BMERB1: variants seen among roughly 807,000 people sequenced by gnomAD.
BMERB1 encodes bMERB domain containing 1.
Under a neutral mutation model 23.6 loss-of-function variants are expected in BMERB1, and 12 were observed. That is an observed-to-expected ratio of 0.51 (90% CI 0.33 to 0.82). The LOEUF (loss-of-function observed/expected upper bound fraction) is 0.82, where lower values mean the gene tolerates loss of function less well. Among genes scored for constraint, BMERB1 ranks in the 40% least tolerant of loss-of-function variants. The pLI is 0.03. For synonymous variants in BMERB1, 122 were observed against 96.6 expected, an observed-to-expected ratio of 1.26 and a Z score of -1.54; for missense variants, 247 against 255.4, an observed-to-expected ratio of 0.97 and a Z score of 0.22.
chr16:15,466,720 C>CTGTGTGTGTG (rs35112172), intron 1 of BMERB1, among the ~76,000 whole-genome samples: 1 of 150,656 alleles, frequency 6.6e-6, no homozygotes, highest in African/African-American at 2.4e-5. Context: ...ATGTGTGTGT[C>CTGTGTGTGTG]TGTGTGTGTG....
At chr16:15,463,269 A>ATATATATATATATATATATTTTTTTTTTT (rs1180090455) in intron 1 of BMERB1, among the ~76,000 whole-genome samples, 17 of 148,528 alleles carry the variant, frequency 1.1e-4, no homozygotes, top group African/African-American at 3.9e-4. Flanking sequence ...ATATATATAT[A>ATATATATATATATATATATTTTTTTTTTT]TTTTGTAGAG....
intron 2 of BMERB1, among the ~76,000 whole-genome samples, chr16:15,517,750 T>TG (rs1567480209): frequency 0.017 from 2,625 of 151,330 alleles, 73 homozygotes; most frequent in African/African-American, 0.061. Context: ...GTGTGGATAT[T>TG]TGTGTGGATG....
intron 2 of BMERB1, among the ~76,000 whole-genome samples, chr16:15,553,081 C>A (rs761471408): frequency 1.3e-5 from 2 of 152,166 alleles, no homozygotes; most frequent in Admixed American, 1.3e-4. Context: ...GATCTCAGCT[C>A]ACTGAAACCT....
At chr16:15,574,267 G>A (rs368534889) in intron 3 of BMERB1, among the ~76,000 whole-genome samples, 17 of 152,248 alleles carry the variant, frequency 1.1e-4, no homozygotes, top group Non-Finnish European at 1.5e-4. Flanking sequence ...AACTGCCTGC[G>A]TGATTCAGTC....
rs1351581151 is a variant in BMERB1, at chr16:15,579,144, A to T, written c.305-2073A>T. Among the ~76,000 whole-genome samples the T allele has an allele frequency of 2.0e-5, 3 of 152,172 alleles. No individual in the cohort carries two copies. The South Asian group carries it at 6.2e-4, about 32-fold the overall frequency. On this transcript the variant is annotated intron_variant, in intron 3 of 5. Transcript: ENST00000300006. ...TGTTGGGTGATTCTGGCTAAGATCT[A>T]GAGAGCAGTGGAGGGCACTTGGGAA...
At chr16:15,521,397 T>G (rs1347849477) in intron 2 of BMERB1, among the ~76,000 whole-genome samples, 1 of 152,226 alleles carries the variant, frequency 6.6e-6, no homozygotes, top group Non-Finnish European at 1.5e-5. Flanking sequence ...CCACAACAGT[T>G]GGCATTTACA....
At chr16:15,537,871 C>CT (rs1374700453) in intron 2 of BMERB1, among the ~76,000 whole-genome samples, 2 of 151,746 alleles carry the variant, frequency 1.3e-5, no homozygotes, top group African/African-American at 4.8e-5. Flanking sequence ...GTTGCCCAGG[C>CT]TGTTATCAAA....
intron 2 of BMERB1, among the ~76,000 whole-genome samples, chr16:15,519,407 T>C (rs2051821811): frequency 6.6e-6 from 1 of 152,168 alleles, no homozygotes; most frequent in African/African-American, 2.4e-5. Context: ...TTTTTATTTC[T>C]TGTGACAGAG....
At chr16:15,488,268 T>C (rs2051384537) in intron 1 of BMERB1, among the ~76,000 whole-genome samples, 1 of 152,224 alleles carries the variant, frequency 6.6e-6, no homozygotes, top group African/African-American at 2.4e-5. Flanking sequence ...GCAGTTTTCA[T>C]TTGATTCCAC....
intron 2 of BMERB1, among the ~76,000 whole-genome samples, chr16:15,552,646 T>A (rs563182887): frequency 6.6e-5 from 10 of 152,160 alleles, no homozygotes; most frequent in Non-Finnish European, 1.3e-4. Flanking sequence ...GAAAACAAGC[T>A]CTGGTCTCAG....
chr16:15,578,805 T>C (rs947335471), intron 3 of BMERB1, among the ~76,000 whole-genome samples: 2 of 152,172 alleles, frequency 1.3e-5, no homozygotes, highest in African/African-American at 4.8e-5. Context: ...CATAATCTAC[T>C]CACTTCCCAA....
At chr16:15,483,884 G>C (rs1302504124) in intron 1 of BMERB1, among the ~76,000 whole-genome samples, 1 of 152,144 alleles carries the variant, frequency 6.6e-6, no homozygotes, top group Non-Finnish European at 1.5e-5. Flanking sequence ...TGCTGTAAAG[G>C]AATACCGGAG....
At chr16:15,571,239 A>G (rs1439534708) in intron 3 of BMERB1, among the ~76,000 whole-genome samples, 2 of 152,212 alleles carry the variant, frequency 1.3e-5, no homozygotes, top group Non-Finnish European at 2.9e-5. Flanking sequence ...ATGTACCCCA[A>G]GCGAGGTCAG....
At chr16:15,511,345 C>T (rs2051662380) in intron 1 of BMERB1, among the ~76,000 whole-genome samples, 1 of 152,084 alleles carries the variant, frequency 6.6e-6, no homozygotes, top group Admixed American at 6.6e-5. Flanking sequence ...GGCAGAGGCT[C>T]GGCCAGGTGG....
intron 1 of BMERB1, among the ~76,000 whole-genome samples, chr16:15,461,893 C>T (rs923942047): frequency 5.3e-5 from 8 of 151,972 alleles, no homozygotes; most frequent in Non-Finnish European, 8.8e-5. Context: ...GTGATTGGGC[C>T]ACTGCACTCC....
intron 2 of BMERB1, chr16:15,532,893 C>T: frequency 2.4e-6 from 1 of 418,036 alleles, no homozygotes; most frequent in South Asian, 1.7e-5. Flanking sequence ...GATGGGGTTG[C>T]TTTCTGATAA....
chr16:15,439,401 G>C (rs2050918511), intron 1 of BMERB1, among the ~76,000 whole-genome samples: 1 of 152,200 alleles, frequency 6.6e-6, no homozygotes, highest in African/African-American at 2.4e-5. Flanking sequence ...CTCACATGCT[G>C]AAAGCGCTCA....
chr16:15,446,544 C>G (rs768261793), intron 1 of BMERB1, among the ~76,000 whole-genome samples: 1 of 152,170 alleles, frequency 6.6e-6, no homozygotes, highest in Non-Finnish European at 1.5e-5. Flanking sequence ...ATTTATTGTT[C>G]TATTTACAGA....
intron 5 of BMERB1, among the ~76,000 whole-genome samples, chr16:15,585,698 C>G (rs184233369): frequency 6.6e-6 from 1 of 152,062 alleles, no homozygotes; most frequent in African/African-American, 2.4e-5. Flanking sequence ...GGCATGGTGG[C>G]GCACACCTGT....
Sources: allele counts gnomAD v4.1 joint callset (sites outside exome capture counted in the v4.1 genomes callset), GRCh38; gene constraint gnomAD v4.1.1; transcripts MANE v1.5; gene names NCBI Gene and HGNC (gene_info 2026-07-23, HGNC 2026-07-21).